The following SNX29 variants were observed in gnomAD, a reference collection of about 807,000 sequenced individuals.
SNX29 encodes the protein sorting nexin 29, also known as sorting nexin-29.
Under a neutral mutation model 102.1 loss-of-function variants are expected in SNX29, and 78 were observed. That is an observed-to-expected ratio of 0.76 (90% CI 0.64 to 0.92). The LOEUF is 0.92. SNX29 is among the 40% of genes least tolerant of loss of function. The pLI, the probability that SNX29 is intolerant of heterozygous loss-of-function variation, is 0.00. For missense variants in SNX29, 1,280 were observed against 1,061.7 expected (o/e 1.21, Z -2.86); for synonymous variants, 580 against 414.5 (o/e 1.40, Z -4.85).
At chr16:12,034,545 T>C (rs2057423035) in intron 4 of SNX29, among the ~76,000 whole-genome samples, 1 of 152,176 alleles carries the variant, frequency 6.6e-6, no homozygotes, top group South Asian at 2.1e-4. Flanking sequence ...CACTGGATCA[T>C]GGGCATGTCC....
Position 12,403,331 on chromosome 16 carries a change from T to C in SNX29, c.1956-117T>C, listed in dbSNP as rs973423405. 1.5e-5 allele frequency: 14 copies of C among 935,526 alleles called. No homozygotes were observed. In the African/African-American group the frequency reaches 2.0e-4, roughly 13 times the overall value. 58.0% of individuals were successfully genotyped at this position (935,526 alleles called of 1,614,324 possible). On this transcript the variant is annotated intron_variant, in intron 17 of 20. Coordinates refer to ENST00000566228, the MANE Select transcript of SNX29 (RefSeq NM_032167.5). Reference sequence around the variant, plus strand: ...CAGGTGTGATGTAAGTTGTCATAAATTGCTTGTGCATAATACCTCTTGGAG... The same window carrying C: ...CAGGTGTGATGTAAGTTGTCATAAACTGCTTGTGCATAATACCTCTTGGAG...
chr16:12,410,795 C>T (rs891039787), intron 18 of SNX29, among the ~76,000 whole-genome samples: 1 of 152,162 alleles, frequency 6.6e-6, no homozygotes, highest in Admixed American at 6.6e-5. Flanking sequence ...GCAGGGAAAG[C>T]GTATTATTTT....
intron 17 of SNX29, among the ~76,000 whole-genome samples, chr16:12,401,359 ATTTTTTTTTT>A (rs35886680): frequency 9.9e-6 from 1 of 101,500 alleles, no homozygotes; most frequent in Non-Finnish European, 1.9e-5. Context: ...ATAGAGTTAA[ATTTTTTTTTT>A]TTTTTTTTTT....
At chr16:12,326,876 C>T (rs1272823508) in intron 15 of SNX29, among the ~76,000 whole-genome samples, 4 of 152,136 alleles carry the variant, frequency 2.6e-5, no homozygotes, top group Admixed American at 6.5e-5. Flanking sequence ...TTGGTTGGAA[C>T]GTGGTGCTTT....
intron 13 of SNX29, among the ~76,000 whole-genome samples, chr16:12,190,069 G>C (rs182551468): frequency 1.4e-4 from 22 of 152,294 alleles, no homozygotes; most frequent in African/African-American, 5.3e-4. Context: ...ATCTCTGATA[G>C]CTTTGGGCTG....
intron 16 of SNX29, 99 bp downstream of exon 16, chr16:12,356,378 C>T (rs926123087): frequency 3.6e-6 from 4 of 1,117,230 alleles, no homozygotes; most frequent in African/African-American, 3.1e-5. Context: ...CATGCATCCA[C>T]TGGCCAGATT....
At chr16:12,403,341 A>G (rs1418897105) in intron 17 of SNX29, 107 bp from the exon 18 acceptor site, 1 of 1,122,462 alleles carries the variant, frequency 8.9e-7, no homozygotes, top group Non-Finnish European at 1.3e-6. Context: ...TTGCTTGTGC[A>G]TAATACCTCT....
intron 11 of SNX29, among the ~76,000 whole-genome samples, chr16:12,099,146 G>A (rs1431121249): frequency 2.0e-5 from 3 of 152,208 alleles, no homozygotes; most frequent in Non-Finnish European, 4.4e-5. Context: ...ACTTTGCTGA[G>A]GTTCTGTTTT....
intron 14 of SNX29, among the ~76,000 whole-genome samples, chr16:12,258,047 C>A (rs1376389462): frequency 6.6e-6 from 1 of 152,222 alleles, no homozygotes; most frequent in Non-Finnish European, 1.5e-5. Flanking sequence ...TAGCTCTGAG[C>A]TGGTCACCTG....
At chr16:11,996,430 G>C (rs899736408) in intron 1 of SNX29, among the ~76,000 whole-genome samples, 2 of 152,154 alleles carry the variant, frequency 1.3e-5, no homozygotes, top group African/African-American at 4.8e-5. Flanking sequence ...ATCTCCAGGA[G>C]ATCTGTGTGG....
Position 12,108,111 on chromosome 16 carries a change from C to T in SNX29, c.1403-18522C>T, listed in dbSNP as rs565189938. 9.9e-5 allele frequency among the ~76,000 whole-genome samples: 15 copies of T among 152,266 alleles called. No individual in the cohort carries two copies. The East Asian group carries it at 2.3e-3, about 24-fold the overall frequency. On this transcript the variant is annotated intron_variant, in intron 11 of 20. Coordinates refer to ENST00000566228, the MANE Select transcript of SNX29 (RefSeq NM_032167.5). ...TTCCAAGGAGGATAATTATGCTACC[C>T]GAGCTGAGATGCAGATGGGCCAGGC...
chr16:12,214,789 C>G (rs540892872), intron 14 of SNX29, among the ~76,000 whole-genome samples: 1 of 152,310 alleles, frequency 6.6e-6, no homozygotes, highest in African/African-American at 2.4e-5. Context: ...CCAGATACCC[C>G]TGCTCCAGGA....
intron 14 of SNX29, among the ~76,000 whole-genome samples, chr16:12,217,375 T>A (rs566938694): frequency 1.6e-3 from 241 of 152,318 alleles, no homozygotes; most frequent in African/African-American, 5.6e-3. Flanking sequence ...GTGCTTTTGA[T>A]GAGCCATCTG....
intron 11 of SNX29, among the ~76,000 whole-genome samples, chr16:12,125,605 C>CTCTTTTT (rs2054175978): frequency 2.2e-5 from 1 of 45,454 alleles, no homozygotes; most frequent in African/African-American, 9.2e-5. Flanking sequence ...TGAGATCTCT[C>CTCTTTTT]TTTTTTTTTT....
chr16:12,448,308 C>A (rs1274122424), intron 18 of SNX29, among the ~76,000 whole-genome samples: 1 of 151,914 alleles, frequency 6.6e-6, no homozygotes. Flanking sequence ...TTCCTCAGAT[C>A]CCTGTCTTTG....
At chr16:12,048,932 G>A (rs146193089) in intron 7 of SNX29, among the ~76,000 whole-genome samples, 2,381 of 152,286 alleles carry the variant, frequency 0.016, 22 homozygotes, top group Middle Eastern at 0.051. Flanking sequence ...TTCCTTCATC[G>A]TATTCTGTGT....
At chr16:12,162,251 G>A (rs2055818301) in intron 13 of SNX29, among the ~76,000 whole-genome samples, 1 of 152,116 alleles carries the variant, frequency 6.6e-6, no homozygotes, top group African/African-American at 2.4e-5. Flanking sequence ...GCCTCCGAGG[G>A]GCCTCGTCTG....
At chr16:12,081,449 A>G (rs560870960) in intron 11 of SNX29, 31 of 152,312 alleles carry the variant, frequency 2.0e-4, no homozygotes, top group African/African-American at 7.5e-4. Context: ...TTATGGCCCC[A>G]CTGACCAAGA....
At chr16:12,248,178 T>C (rs1359384014) in intron 14 of SNX29, among the ~76,000 whole-genome samples, 4 of 152,206 alleles carry the variant, frequency 2.6e-5, no homozygotes, top group Non-Finnish European at 5.9e-5. Context: ...CCTTTAAGGC[T>C]TCCCTTCCTA....
Sources: gnomAD v4.1 joint callset for allele counts (sites outside exome capture counted in the v4.1 genomes callset) on GRCh38, gnomAD v4.1.1 for gene constraint, MANE v1.5 for transcripts, NCBI Gene and HGNC (gene_info 2026-07-23, HGNC 2026-07-21) for gene names.